The following XPO1 variants were observed in gnomAD, a reference collection of about 807,000 sequenced individuals.
XPO1 encodes the protein exportin-1.
In XPO1, 5 loss-of-function variants were observed where a neutral mutation model predicts 133.3. The ratio of observed to expected loss-of-function variants is 0.04; its 90% CI spans 0.02 to 0.08. XPO1 has a LOEUF of 0.08. Ranked by LOEUF, XPO1 falls within the 10% of genes least tolerant of loss-of-function variation. The pLI is 1.00. For missense variants in XPO1, 506 were observed against 1,267.5 expected (o/e 0.40, Z 9.12); for synonymous variants, 419 against 408.2 (o/e 1.03, Z -0.32).
chr2:61,499,608 CAT>C, intron 7 of XPO1, 103 bp downstream of exon 7: 1 of 1,121,308 alleles, frequency 8.9e-7, no homozygotes. Flanking sequence ...AGCAATTTAA[CAT>C]ATTACTGATC....
intron 3 of XPO1, 138 bp from the exon 4 acceptor site, chr2:61,522,821 A>T (rs1179738136): frequency 4.6e-6 from 3 of 652,620 alleles, no homozygotes; most frequent in Non-Finnish European, 8.0e-6. Context: ...AATTACACAT[A>T]TTAAACAAGT....
chr2:61,498,748 T>A lies in XPO1; in HGVS notation c.684A>T (p.Thr228=), dbSNP rs769738753. ...GAATCCAGTTCAGAAATCTGAGCAATGTTTCCAAGGTTGCATGTACAAGTG... is the reference window on the plus strand; with the variant it reads ...GAATCCAGTTCAGAAATCTGAGCAAAGTTTCCAAGGTTGCATGTACAAGTG... ...NAPLVHATLE[T]LLRFLNWIPL... The change falls in exon 9 of 25, where the codon ACA becomes ACT. Residue 228 remains threonine (T), a synonymous_variant. Transcript: ENST00000401558. 6.8e-6 allele frequency: 11 copies of A among 1,614,108 alleles called. 2 individuals carry two copies. Among genetic ancestry groups the A allele is most frequent in the Non-Finnish European group, 8.5e-6 (10 of 1,180,002 alleles).
Position 61,501,488 on chromosome 2 carries a change from G to A in XPO1, c.408+508C>T, listed in dbSNP as rs535656679. Among the ~76,000 whole-genome samples the A allele has an allele frequency of 6.6e-5, 10 of 152,130 alleles. No homozygotes were observed. In the South Asian group the frequency reaches 1.7e-3, roughly 25 times the overall value. On this transcript the variant is annotated intron_variant, in intron 6 of 24. Coordinates refer to ENST00000401558, the MANE Select transcript of XPO1 (RefSeq NM_003400.4). ...TATAATCCCAGCACTTTGGGAGGTC[G>A]AGGTGGGTGGATCACCTGAGGTCAA...
At chr2:61,493,099 T>A (rs376567448) in intron 12 of XPO1, 46 bp from the exon 13 acceptor site, 1 of 1,520,986 alleles carries the variant, frequency 6.6e-7, no homozygotes, top group Non-Finnish European at 8.7e-7. Context: ...GTTAGATCAC[T>A]GAAATCATTA....
intron 4 of XPO1, among the ~76,000 whole-genome samples, chr2:61,515,816 G>A (rs1044541757): frequency 2.0e-5 from 3 of 151,686 alleles, no homozygotes. Context: ...GGGCACGGTG[G>A]CTCACGCCTG....
At chr2:61,538,385 T>C (rs1404788377), upstream of XPO1, 2 of 153,882 alleles carry the variant, frequency 1.3e-5, no homozygotes, top group Admixed American at 6.6e-5. Flanking sequence ...CGCCCTCCTA[T>C]TGGTCAGTTC....
intron 2 of XPO1, among the ~76,000 whole-genome samples, chr2:61,530,778 G>C (rs1362775102): frequency 6.7e-6 from 1 of 148,890 alleles, no homozygotes; most frequent in African/African-American, 2.5e-5. Context: ...GACTTTAAAA[G>C]CTTAATTAGC....
intron 10 of XPO1, 93 bp from the exon 11 acceptor site, chr2:61,495,706 A>C (rs925017356): frequency 2.3e-6 from 3 of 1,304,994 alleles, no homozygotes; most frequent in Non-Finnish European, 3.0e-6. Flanking sequence ...ACAAGGTATC[A>C]CTCTGTCCAG....
intron 2 of XPO1, among the ~76,000 whole-genome samples, chr2:61,528,695 T>G (rs1027854871): frequency 6.8e-6 from 1 of 147,050 alleles, no homozygotes; most frequent in Non-Finnish European, 1.5e-5. Context: ...TTTTTTTCAT[T>G]TGACAGTTTT....
chr2:61,502,876 G>A (rs983347277), intron 4 of XPO1, among the ~76,000 whole-genome samples: 3 of 151,940 alleles, frequency 2.0e-5, no homozygotes, highest in African/African-American at 7.3e-5. Context: ...CAAAGTGCTG[G>A]AATTACAGGA....
At chr2:61,525,876 A>G in intron 3 of XPO1, 1 of 1,047,042 alleles carries the variant, frequency 9.6e-7, no homozygotes, top group Non-Finnish European at 1.2e-6. Context: ...CAGTTTAAAG[A>G]GAAGCGTGAA....
At chr2:61,491,497 C>CACACACA (rs1204922763) in intron 16 of XPO1, among the ~76,000 whole-genome samples, 4 of 146,606 alleles carry the variant, frequency 2.7e-5, no homozygotes, top group African/African-American at 7.8e-5. Context: ...CACACACACA[C>CACACACA]CCCAAAACAA....
At chr2:61,518,431 C>A (rs903670014) in intron 4 of XPO1, among the ~76,000 whole-genome samples, 5 of 34,440 alleles carry the variant, frequency 1.5e-4, no homozygotes, top group Non-Finnish European at 2.7e-4. Flanking sequence ...CACACACACA[C>A]ACACACACAC....
At chr2:61,522,468 C>A (rs1365143844) in intron 4 of XPO1, 143 bp downstream of exon 4, 1 of 686,172 alleles carries the variant, frequency 1.5e-6, no homozygotes, top group Non-Finnish European at 2.5e-6. Context: ...TACAAACAGA[C>A]CTGTTTGCTT....
At chr2:61,502,158 G>GA in intron 5 of XPO1, 91 bp downstream of exon 5, 1 of 1,526,274 alleles carries the variant, frequency 6.6e-7, no homozygotes, top group Non-Finnish European at 9.0e-7. Context: ...GCATATGTGT[G>GA]ACTATGTGTC....
intron 2 of XPO1, among the ~76,000 whole-genome samples, chr2:61,532,523 G>C (rs558192013): frequency 6.6e-6 from 1 of 151,958 alleles, no homozygotes; most frequent in Non-Finnish European, 1.5e-5. Flanking sequence ...GAAATCTACT[G>C]TTCTGGCAAC....
intron 2 of XPO1, among the ~76,000 whole-genome samples, chr2:61,528,208 G>T (rs980402273): frequency 6.6e-6 from 1 of 151,890 alleles, no homozygotes; most frequent in African/African-American, 2.4e-5. Context: ...TTACACCTTT[G>T]TTCCTTCTTT....
At chr2:61,504,525 A>G (rs900748091) in intron 4 of XPO1, among the ~76,000 whole-genome samples, 2 of 152,220 alleles carry the variant, frequency 1.3e-5, no homozygotes, top group Admixed American at 6.5e-5. Flanking sequence ...AATCAGTTAA[A>G]TTATGAAGAT....
At chr2:61,495,867 G>T (rs975588972) in intron 10 of XPO1, among the ~76,000 whole-genome samples, 1 of 151,916 alleles carries the variant, frequency 6.6e-6, no homozygotes, top group African/African-American at 2.4e-5. Context: ...ACGGTATCTT[G>T]TTATGTTGTC....
Sources: gnomAD v4.1 joint callset for allele counts (sites outside exome capture counted in the v4.1 genomes callset) on GRCh38, gnomAD v4.1.1 for gene constraint, MANE v1.5 for transcripts, NCBI Gene and HGNC (gene_info 2026-07-23, HGNC 2026-07-21) for gene names.